The following PYM1 variants were observed in gnomAD, a reference collection of about 807,000 sequenced individuals.
The protein encoded by PYM1 is PYM1 exon junction complex associated factor.
A neutral mutation model predicts 20.7 loss-of-function variants in PYM1; 7 were observed. That is an observed-to-expected ratio of 0.34 (90% CI 0.19 to 0.64). The LOEUF (loss-of-function observed/expected upper bound fraction) is 0.64, where lower values mean the gene tolerates loss of function less well. Among genes scored for constraint, PYM1 ranks in the 30% least tolerant of loss-of-function variants. The probability of loss-of-function intolerance (pLI) is 0.74; values close to 1 mark genes in which losing one functional copy is unlikely to be tolerated. For missense variants in PYM1, 194 were observed against 250.0 expected, an observed-to-expected ratio of 0.78 and a Z score of 1.51; for synonymous variants, 100 against 99.2, an observed-to-expected ratio of 1.01 and a Z score of -0.05.
At chr12:55,920,866 A>G (rs1253195577) in intron 1 of PYM1, among the ~76,000 whole-genome samples, 2 of 152,190 alleles carry the variant, frequency 1.3e-5, no homozygotes, top group African/African-American at 4.8e-5. Context: ...TTTACCTCAT[A>G]AGGCTAAATG....
At chr12:55,908,162 G>T (rs1363771073) in intron 1 of PYM1, among the ~76,000 whole-genome samples, 1 of 151,846 alleles carries the variant, frequency 6.6e-6, no homozygotes, top group East Asian at 1.9e-4. Flanking sequence ...AGAATCACTT[G>T]AACCCGGGAG....
intron 1 of PYM1, among the ~76,000 whole-genome samples, chr12:55,904,927 C>CT (rs1180829958): frequency 6.6e-6 from 1 of 151,918 alleles, no homozygotes; most frequent in African/African-American, 2.4e-5. Flanking sequence ...GGTCCTCTAA[C>CT]TTTTTTTATT....
intron 1 of PYM1, chr12:55,927,147 G>A (rs867083452): frequency 6.4e-7 from 1 of 1,551,338 alleles, no homozygotes; most frequent in South Asian, 1.2e-5. Context: ...GAGCGGGCTG[G>A]GGTCCCGCCC....
chr12:55,927,555 A>G, intron 1 of PYM1, 170 bp downstream of exon 1: 1 of 849,380 alleles, frequency 1.2e-6, no homozygotes, highest in Non-Finnish European at 1.8e-6. Context: ...GACAAACTCC[A>G]GGAACGCACT....
At chr12:55,927,654 G>T in intron 1 of PYM1, 71 bp downstream of exon 1, 1 of 1,524,368 alleles carries the variant, frequency 6.6e-7, no homozygotes, top group South Asian at 1.2e-5. Context: ...GATTGCTGTC[G>T]GCCAACCCAC....
intron 1 of PYM1, among the ~76,000 whole-genome samples, chr12:55,915,032 G>C (rs1303020604): frequency 1.3e-5 from 2 of 151,726 alleles, no homozygotes; most frequent in African/African-American, 4.8e-5. Context: ...TGGCTAACAC[G>C]ATGAAACCCC....
intron 1 of PYM1, among the ~76,000 whole-genome samples, chr12:55,915,152 T>C (rs533064217): frequency 7.3e-6 from 1 of 136,600 alleles, no homozygotes; most frequent in East Asian, 2.1e-4. Flanking sequence ...GAGGCAGAGG[T>C]TGCAGTAAGC....
At chr12:55,919,625 T>G (rs1303541850) in intron 1 of PYM1, among the ~76,000 whole-genome samples, 1 of 152,132 alleles carries the variant, frequency 6.6e-6, no homozygotes, top group Non-Finnish European at 1.5e-5. Context: ...GGGCCAGGCA[T>G]GGTGGCTCAC....
chr12:55,925,791 C>T (rs1051503897), intron 1 of PYM1, among the ~76,000 whole-genome samples: 14 of 152,100 alleles, frequency 9.2e-5, no homozygotes, highest in African/African-American at 3.4e-4. Flanking sequence ...GATGTGATAC[C>T]TGGATTTTCA....
At chr12:55,904,922 T>G (rs1882765718) in intron 1 of PYM1, among the ~76,000 whole-genome samples, 1 of 152,040 alleles carries the variant, frequency 6.6e-6, no homozygotes. Context: ...GTAGTGGTCC[T>G]CTAACTTTTT....
chr12:55,907,726 G>C (rs1419395282), intron 1 of PYM1, among the ~76,000 whole-genome samples: 3 of 151,206 alleles, frequency 2.0e-5, no homozygotes, highest in African/African-American at 7.3e-5. Flanking sequence ...ATCACTTAAG[G>C]TCAGGAGTTC....
intron 1 of PYM1, among the ~76,000 whole-genome samples, chr12:55,920,636 C>CA (rs1254982255): frequency 2.4e-3 from 165 of 69,620 alleles, no homozygotes; most frequent in East Asian, 0.018. Flanking sequence ...GACTCCGTCT[C>CA]AAAAAAAAAA....
intron 1 of PYM1, among the ~76,000 whole-genome samples, chr12:55,905,151 G>GCA (rs2136257443): frequency 6.7e-6 from 1 of 150,268 alleles, no homozygotes; most frequent in South Asian, 2.1e-4. Context: ...ACAGGCGCCT[G>GCA]CCACCACACC....
intron 1 of PYM1, among the ~76,000 whole-genome samples, chr12:55,904,632 G>C (rs1295829433): frequency 7.2e-6 from 1 of 138,536 alleles, no homozygotes; most frequent in African/African-American, 2.7e-5. Context: ...AAAAAAATTA[G>C]CAAAAAGCTG....
intron 1 of PYM1, among the ~76,000 whole-genome samples, chr12:55,923,666 G>T (rs185499568): frequency 2.6e-5 from 4 of 152,082 alleles, no homozygotes; most frequent in African/African-American, 7.2e-5. Flanking sequence ...CTATATTAAC[G>T]TAAGATGACA....
chr12:55,905,987 A>AT (rs1565714584), intron 1 of PYM1, among the ~76,000 whole-genome samples: 19 of 124,380 alleles, frequency 1.5e-4, no homozygotes, highest in African/African-American at 2.7e-4. Context: ...TATTATATAT[A>AT]ATATAAAATA....
intron 2 of PYM1, among the ~76,000 whole-genome samples, chr12:55,902,561 T>TC (rs1251510796): frequency 5.3e-5 from 8 of 151,054 alleles, no homozygotes; most frequent in East Asian, 3.9e-4. Context: ...CACTGCAACC[T>TC]CCACCTCCAG....
At chr12:55,927,689 G>C (rs1397005069) in intron 1 of PYM1, 36 bp downstream of exon 1, 2 of 1,538,194 alleles carry the variant, frequency 1.3e-6, no homozygotes. Flanking sequence ...CCCGCGGGAG[G>C]GGCGTGCAAG....
intron 1 of PYM1, chr12:55,927,216 G>A (rs1158833119): frequency 1.4e-6 from 2 of 1,477,756 alleles, no homozygotes; most frequent in East Asian, 2.5e-5. Flanking sequence ...GTCTTAAAGG[G>A]AGAGTGCACC....
Sources: gnomAD v4.1 joint callset for allele counts (sites outside exome capture counted in the v4.1 genomes callset) on GRCh38, gnomAD v4.1.1 for gene constraint, MANE v1.5 for transcripts, NCBI Gene and HGNC (gene_info 2026-07-23, HGNC 2026-07-21) for gene names.